The following RIMS2 variants were observed in gnomAD, a reference collection of about 807,000 sequenced individuals.
RIMS2 encodes the protein regulating synaptic membrane exocytosis protein 2.
A neutral mutation model predicts 174.4 loss-of-function variants in RIMS2; 59 were observed. That is an observed-to-expected ratio of 0.34 (90% CI 0.27 to 0.42). The LOEUF is 0.42. RIMS2 is among the 10% of genes least tolerant of loss of function. The pLI is 1.00. For synonymous variants in RIMS2, 606 were observed against 572.5 expected (o/e 1.06, Z -0.84); for missense variants, 1,620 against 1,666.3 (o/e 0.97, Z 0.48).
intron 3 of RIMS2, among the ~76,000 whole-genome samples, chr8:103,777,084 T>C (rs576479944): frequency 6.6e-6 from 1 of 152,224 alleles, no homozygotes; most frequent in South Asian, 2.1e-4. Context: ...ACAAATTTCA[T>C]TATGCAACAG....
intron 3 of RIMS2, among the ~76,000 whole-genome samples, chr8:103,849,080 G>C (rs1450949795): frequency 1.3e-5 from 2 of 152,054 alleles, no homozygotes; most frequent in Non-Finnish European, 2.9e-5. Flanking sequence ...AAATGATAGA[G>C]ATACCACATA....
exon 4 of RIMS2, chr8:103,885,700 G>T (rs202004651): frequency 5.0e-6 from 8 of 1,612,920 alleles, no homozygotes; most frequent in Non-Finnish European, 6.8e-6. Flanking sequence ...ATGAGAGAAG[G>T]CATAGTGATG....
chr8:104,034,319 A>G (rs1048586515), intron 19 of RIMS2, among the ~76,000 whole-genome samples: 1 of 152,148 alleles, frequency 6.6e-6, no homozygotes, highest in Non-Finnish European at 1.5e-5. Context: ...TATGACATGG[A>G]CTAGAAAACG....
chr8:104,232,624 C>T (rs955446722), intron 19 of RIMS2, among the ~76,000 whole-genome samples: 8 of 152,160 alleles, frequency 5.3e-5, no homozygotes, highest in African/African-American at 1.9e-4. Context: ...ACAGATATCA[C>T]AGCTTGCACC....
At chr8:103,680,426 A>G (rs1390992813) in intron 1 of RIMS2, among the ~76,000 whole-genome samples, 2 of 152,040 alleles carry the variant, frequency 1.3e-5, no homozygotes, top group Non-Finnish European at 2.9e-5. Context: ...TTATAAAGCT[A>G]CTAGAAGAAA....
chr8:103,608,567 A>G, intron 1 of RIMS2, among the ~76,000 whole-genome samples: 1 of 145,534 alleles, frequency 6.9e-6, no homozygotes. Flanking sequence ...AGCCTGGGCA[A>G]TGGTGGGCGC....
At chr8:104,246,230 A>G (rs2099329488) in intron 20 of RIMS2, among the ~76,000 whole-genome samples, 1 of 152,190 alleles carries the variant, frequency 6.6e-6, no homozygotes, top group Non-Finnish European at 1.5e-5. Flanking sequence ...TACGTTGGGG[A>G]TGTAAGTCAT....
chr8:103,959,458 T>A (rs1416672355), intron 14 of RIMS2, among the ~76,000 whole-genome samples: 1 of 152,096 alleles, frequency 6.6e-6, no homozygotes, highest in Non-Finnish European at 1.5e-5. Context: ...AATCGCACTC[T>A]GTCACCCAGG....
At chr8:103,697,551 A>G (rs1042361718) in intron 2 of RIMS2, among the ~76,000 whole-genome samples, 1 of 150,696 alleles carries the variant, frequency 6.6e-6, no homozygotes, top group African/African-American at 2.4e-5. Flanking sequence ...TCTACGAAAA[A>G]AAAAAAAACA....
At chr8:104,163,565 T>C (rs775120127) in intron 19 of RIMS2, among the ~76,000 whole-genome samples, 14 of 152,194 alleles carry the variant, frequency 9.2e-5, no homozygotes, top group Non-Finnish European at 1.8e-4. Flanking sequence ...ATCAACCGTG[T>C]AGGATCTGAA....
chr8:104,042,248 T>A (rs1016017261), intron 19 of RIMS2, among the ~76,000 whole-genome samples: 1 of 151,538 alleles, frequency 6.6e-6, no homozygotes, highest in African/African-American at 2.4e-5. Context: ...GTTAGCTTCT[T>A]TTGTAGAGAG....
intron 3 of RIMS2, among the ~76,000 whole-genome samples, chr8:103,843,676 A>G (rs1160783806): frequency 6.6e-6 from 1 of 152,166 alleles, no homozygotes; most frequent in African/African-American, 2.4e-5. Context: ...TTTCCCATCT[A>G]TAATACTTTA....
chr8:104,032,992 T>C (rs2096433603), intron 19 of RIMS2, among the ~76,000 whole-genome samples: 2 of 151,930 alleles, frequency 1.3e-5, no homozygotes, highest in African/African-American at 2.4e-5. Flanking sequence ...ACAATTGTAG[T>C]AAGTGCTATT....
At chr8:103,580,273 A>G (rs913222735) in intron 1 of RIMS2, among the ~76,000 whole-genome samples, 3 of 152,158 alleles carry the variant, frequency 2.0e-5, no homozygotes, top group Admixed American at 6.5e-5. Flanking sequence ...AACCAACTCT[A>G]TGTTTCTTAC....
chr8:104,144,938 T>C (rs772192744), intron 19 of RIMS2, among the ~76,000 whole-genome samples: 12 of 152,150 alleles, frequency 7.9e-5, no homozygotes, highest in Non-Finnish European at 1.5e-4. Flanking sequence ...ACATATGTCG[T>C]CCAAAGCTAA....
At chr8:103,767,256 C>T (rs1000771633) in intron 3 of RIMS2, among the ~76,000 whole-genome samples, 44 of 151,034 alleles carry the variant, frequency 2.9e-4, no homozygotes, top group African/African-American at 1.0e-3. Flanking sequence ...GGCACGATCT[C>T]GGCTCACTGC....
At chr8:104,172,074 G>A (rs981276286) in intron 19 of RIMS2, among the ~76,000 whole-genome samples, 1 of 152,090 alleles carries the variant, frequency 6.6e-6, no homozygotes, top group African/African-American at 2.4e-5. Flanking sequence ...TATACTTTAT[G>A]TACTTAATTT....
Position 103,576,427 on chromosome 8 carries a change from G to A in RIMS2, c.176+75365G>A, listed in dbSNP as rs1429501427. ...AATCCTTGAATGCAAAGATGTAAATGTACATTCAAAAAAACAAGAGCAAAG... is the reference window on the plus strand; with the variant it reads ...AATCCTTGAATGCAAAGATGTAAATATACATTCAAAAAAACAAGAGCAAAG... On this transcript the variant is annotated intron_variant, in intron 1 of 23. Transcript: ENST00000504942. Among the ~76,000 whole-genome samples, 4 of 152,238 alleles carry A rather than the reference G, an allele frequency of 2.6e-5. No individual in the cohort carries two copies. The East Asian group carries it at 7.7e-4, about 29-fold the overall frequency.
chr8:103,834,676 T>TTTTCTTCCTTTC (rs561054687), intron 3 of RIMS2, among the ~76,000 whole-genome samples: 4,398 of 120,094 alleles, frequency 0.037, 140 homozygotes, highest in Middle Eastern at 0.054. Context: ...TCTGAGGTCT[T>TTTTCTTCCTTTC]TTTCTTTCTT....
Sources: allele counts gnomAD v4.1 joint callset (sites outside exome capture counted in the v4.1 genomes callset), GRCh38; gene constraint gnomAD v4.1.1; transcripts MANE v1.5; gene names NCBI Gene and HGNC (gene_info 2026-07-23, HGNC 2026-07-21).